PLXNA2: variants seen among roughly 807,000 people sequenced by gnomAD.
PLXNA2 encodes the protein plexin-A2.
A neutral mutation model predicts 193.5 loss-of-function variants in PLXNA2; 91 were observed. The ratio of observed to expected loss-of-function variants is 0.47; its 90% CI spans 0.40 to 0.56. The LOEUF (loss-of-function observed/expected upper bound fraction) is 0.56. PLXNA2 is among the 20% of genes least tolerant of loss of function. The pLI, the probability that PLXNA2 is intolerant of heterozygous loss-of-function variation, is 0.00. For missense variants in PLXNA2, 1,995 were observed against 2,503.2 expected (o/e 0.80, Z 4.33); for synonymous variants, 997 against 1,027.3 (o/e 0.97, Z 0.56).
chr1:208,179,519 C>T (rs1422448872), intron 3 of PLXNA2, among the ~76,000 whole-genome samples: 2 of 152,146 alleles, frequency 1.3e-5, no homozygotes, highest in Non-Finnish European at 2.9e-5. Flanking sequence ...GCACTCACTC[C>T]CCTTCTCCCC....
At chr1:208,204,533 C>T (rs921199493) in intron 3 of PLXNA2, among the ~76,000 whole-genome samples, 1 of 152,238 alleles carries the variant, frequency 6.6e-6, no homozygotes, top group African/African-American at 2.4e-5. Context: ...CCTCCTCCTC[C>T]CCTCACTGAC....
intron 17 of PLXNA2, among the ~76,000 whole-genome samples, chr1:208,050,084 T>C (rs1665207152): frequency 6.6e-6 from 1 of 152,228 alleles, no homozygotes; most frequent in Non-Finnish European, 1.5e-5. Context: ...CAGACAACTT[T>C]TTAAAAATTA....
Position 208,045,892 on chromosome 1 carries a change from G to A in PLXNA2, c.3481C>T (p.Pro1161Ser), listed in dbSNP as rs1371291996. The A allele has an allele frequency of 1.2e-6, 2 of 1,614,246 alleles. No homozygotes were observed. Among genetic ancestry groups the A allele is most frequent in the Middle Eastern group, 1.6e-4 (1 of 6,062 alleles). ...GGCACTCCTACCTTCAGAATGATGGGCGATCCTGGCTTTTGATCCAAGACT... is the reference window on the plus strand; with the variant it reads ...GGCACTCCTACCTTCAGAATGATGGACGATCCTGGCTTTTGATCCAAGACT... ...TGVLDQKPGS[P>S]IILKGKNLCP... The change falls in exon 18 of 32, where the codon CCC becomes TCC. Residue 1161 changes from proline to serine, a missense_variant. Physicochemically the swap from Pro to Ser is moderately conservative, Grantham distance 74. Around this residue, in one of 3 missense-constraint regions of PLXNA2, gnomAD observed 1,291 missense variants for 1,673.6 expected, o/e 0.77. Coordinates refer to ENST00000367033, the MANE Select transcript of PLXNA2 (RefSeq NM_025179.4).
intron 4 of PLXNA2, among the ~76,000 whole-genome samples, chr1:208,135,165 G>T (rs1250349126): frequency 1.3e-5 from 2 of 152,104 alleles, no homozygotes; most frequent in African/African-American, 4.8e-5. Context: ...CTTAGGGGGT[G>T]GTGGGGGGTC....
At chr1:208,150,618 G>A (rs1289008467) in intron 3 of PLXNA2, among the ~76,000 whole-genome samples, 1 of 152,124 alleles carries the variant, frequency 6.6e-6, no homozygotes, top group Non-Finnish European at 1.5e-5. Context: ...AGGATCTCCG[G>A]AGACCAGTTT....
At position 208,026,977 on chromosome 1, in the gene PLXNA2, T is replaced by C; in HGVS notation, c.*266A>G. On this transcript the variant is annotated 3_prime_UTR_variant, in exon 32 of 32. Transcript: ENST00000367033. ...CAGAACTGTCCCCAGCTCGTGCCTC[T>C]CGGCTTGAAGAACCACCTTCTCCCG... 2.6e-6 allele frequency: 1 copy of C among 378,032 alleles called. No homozygotes were observed. The allele number at this position is 378,032 out of a possible 1,614,324, so 23.4% of individuals were successfully genotyped here.
At chr1:208,031,879 GCA>G in intron 28 of PLXNA2, 120 bp from the exon 29 acceptor site, 1 of 1,267,542 alleles carries the variant, frequency 7.9e-7, no homozygotes, top group Non-Finnish European at 1.1e-6. Flanking sequence ...ACGAGGCTGT[GCA>G]GGCAGTGTTG....
intron 14 of PLXNA2, among the ~76,000 whole-genome samples, chr1:208,053,806 AAAGT>A (rs1248875101): frequency 2.0e-5 from 3 of 152,210 alleles, no homozygotes; most frequent in Non-Finnish European, 4.4e-5. Flanking sequence ...TTACAGAAAG[AAAGT>A]CTTTGCAATT....
Position 208,142,406 on chromosome 1 carries a change from T to C in PLXNA2, c.1429A>G (p.Lys477Glu). 2 of 1,613,960 alleles carry C rather than the reference T, an allele frequency of 1.2e-6. No individual in the cohort carries two copies. The highest frequency in any genetic ancestry group is 1.7e-6 in the Non-Finnish European group (2 of 1,179,948). The change falls in exon 4 of 32, where the codon AAG (lysine) becomes GAG (glutamate). Residue 477 changes from lysine to glutamate, a missense_variant. Around this residue, in one of 3 missense-constraint regions of PLXNA2, gnomAD observed 702 missense variants for 812.9 expected, o/e 0.86. Transcript: ENST00000367033. ...GVQYEMVSVL[K>E]DGSPILRDMA... ...TCCCGGAGGATGGGGCTTCCGTCCT[T>C]GAGCACAGAGACCATCTCGTACTGG...
chr1:208,030,491 G>A, intron 29 of PLXNA2: 2 of 985,424 alleles, frequency 2.0e-6, no homozygotes, highest in Non-Finnish European at 2.4e-6. Flanking sequence ...CTGGCAAAGT[G>A]GACTGTGGGC....
rs551427703 is a variant in PLXNA2 at position 208,192,542 on chromosome 1, G to A, written c.1371+17738C>T. 3.9e-5 allele frequency among the ~76,000 whole-genome samples: 6 copies of A among 152,196 alleles called. No homozygotes were observed. In the South Asian group the frequency reaches 1.2e-3, roughly 32 times the overall value. Reference sequence around the variant, plus strand: ...AGTAAGATACTTTGATTGAAGAAGGGTGGAGTTGGGAGTTGGGAGTGGCCT... The same window carrying A: ...AGTAAGATACTTTGATTGAAGAAGGATGGAGTTGGGAGTTGGGAGTGGCCT... On this transcript the variant is annotated intron_variant, in intron 3 of 31. Coordinates refer to ENST00000367033, the MANE Select transcript of PLXNA2 (RefSeq NM_025179.4).
At chr1:208,149,580 G>A (rs1668694689) in intron 3 of PLXNA2, among the ~76,000 whole-genome samples, 1 of 151,802 alleles carries the variant, frequency 6.6e-6, no homozygotes, top group African/African-American at 2.4e-5. Context: ...TGTGGTGTGT[G>A]TATATTGTGT....
chr1:208,028,787 C>A lies in PLXNA2; in HGVS notation c.5438+43G>T, dbSNP rs1205947797. The A allele has an allele frequency of 2.6e-6, 4 of 1,559,192 alleles. No individual in the cohort carries two copies. The highest frequency in any genetic ancestry group is 3.5e-6 in the Non-Finnish European group (4 of 1,137,122). ...TGATGACTATAGAGCGGGGAATGGG[C>A]AGGGAGACAAGGGCATGGGCCTGTC... On this transcript the variant is annotated intron_variant, in intron 30 of 31. Coordinates refer to ENST00000367033, the MANE Select transcript of PLXNA2 (RefSeq NM_025179.4). This position sits in a 1 kb window ranked among gnomAD's most constrained non-coding sequence, Gnocchi z 4.2.
chr1:208,079,611 T>A (rs1217855866), intron 11 of PLXNA2, among the ~76,000 whole-genome samples, 161 bp from the exon 12 acceptor site: 1 of 152,188 alleles, frequency 6.6e-6, no homozygotes, highest in Non-Finnish European at 1.5e-5. Context: ...ATTAGTAAAT[T>A]GAGCCTCTTA....
At chr1:208,196,454 T>C (rs973722589) in intron 3 of PLXNA2, among the ~76,000 whole-genome samples, 6 of 152,176 alleles carry the variant, frequency 3.9e-5, no homozygotes, top group African/African-American at 1.4e-4. Context: ...AAATGTACAG[T>C]GTATTTGTGG....
chr1:208,229,914 G>A (rs945492534), intron 1 of PLXNA2, among the ~76,000 whole-genome samples: 26 of 152,210 alleles, frequency 1.7e-4, no homozygotes, highest in Non-Finnish European at 2.2e-4. Context: ...GCTGGATGGC[G>A]CAGAGAAAAG....
At chr1:208,203,285 T>A (rs74155205) in intron 3 of PLXNA2, among the ~76,000 whole-genome samples, 9,395 of 152,088 alleles carry the variant, frequency 0.062, 871 homozygotes, top group East Asian at 0.46. Flanking sequence ...GGTGGTGAGC[T>A]CCCTGAACCA....
In PLXNA2 at chr1:208,079,294, T is replaced by A; in HGVS notation, c.2552A>T (p.His851Leu). The A allele has an allele frequency of 1.2e-6, 2 of 1,611,742 alleles. No individual in the cohort carries two copies. Among genetic ancestry groups the A allele is most frequent in the Non-Finnish European group, 1.7e-6 (2 of 1,177,992 alleles). ...TTGAGGGTTGGAGCACTTGACATTG[T>A]GGCTGGACCAGTCGAGCCAGGGGCT... Reference protein sequence around the residue: ...PSSPWLDWSSHNVKCSNPQIT... With the variant: ...PSSPWLDWSSLNVKCSNPQIT... Residue 851 changes from histidine to leucine, a missense_variant, in exon 12 of 32, where the codon CAC (histidine) becomes CTC (leucine). This residue lies in a region of PLXNA2 where 1,291 missense variants were observed against 1,673.6 expected (regional missense o/e 0.77). Coordinates refer to ENST00000367033, the MANE Select transcript of PLXNA2 (RefSeq NM_025179.4).
At position 208,027,101 on chromosome 1, in the gene PLXNA2, G is replaced by A; in HGVS notation, c.*142C>T. 2 of 734,846 alleles carry A rather than the reference G, an allele frequency of 2.7e-6. No homozygotes were observed. Among genetic ancestry groups the A allele is most frequent in the Non-Finnish European group, 2.3e-6 (1 of 443,056 alleles). 45.5% of individuals were successfully genotyped at this position (734,846 alleles called of 1,614,324 possible). A position where few individuals can be genotyped will look rare whatever the true frequency, so the allele number is the denominator to read the frequency against. ...CGAAACTTGGCTGGCGTAGGGAGAG[G>A]AGTCCTCCCCTCTCCCCAGGATGGG... On this transcript the variant is annotated 3_prime_UTR_variant, in exon 32 of 32. Transcript: ENST00000367033.
Sources: gnomAD v4.1 joint callset for allele counts (sites outside exome capture counted in the v4.1 genomes callset) on GRCh38, gnomAD v4.1.1 for gene constraint, gnomAD v4.1.1 regional missense constraint, Gnocchi (gnomAD v3.1) non-coding constraint, MANE v1.5 for transcripts, NCBI Gene and HGNC (gene_info 2026-07-23, HGNC 2026-07-21) for gene names.